The following TXNRD2 variants were observed in gnomAD, a reference collection of about 807,000 sequenced individuals.
TXNRD2 encodes thioredoxin reductase 2, mitochondrial.
TXNRD2 carries 67 observed loss-of-function variants against 70.8 expected under a neutral mutation model. The observed-to-expected ratio is 0.95, with a 90% CI of 0.78 to 1.16. TXNRD2 has a LOEUF of 1.16. TXNRD2 is among the 50% of genes most tolerant of loss of function. TXNRD2 has a pLI of 0.00. For missense variants in TXNRD2, 644 were observed against 719.9 expected, an observed-to-expected ratio of 0.89 and a Z score of 1.21; for synonymous variants, 301 against 295.8, an observed-to-expected ratio of 1.02 and a Z score of -0.18.
At chr22:19,915,706 G>A (rs1940605726) in intron 6 of TXNRD2, 59 bp downstream of exon 6, 1 of 1,483,800 alleles carries the variant, frequency 6.7e-7, no homozygotes, top group Admixed American at 1.7e-5. Flanking sequence ...AGCTGCAGTT[G>A]GTGCCCAAGG....
At chr22:19,939,911 A>G (rs952525640) in intron 1 of TXNRD2, among the ~76,000 whole-genome samples, 1 of 152,168 alleles carries the variant, frequency 6.6e-6, no homozygotes, top group African/African-American at 2.4e-5. Context: ...TAAAACTTCA[A>G]TTTGGGAATG....
chr22:19,934,302 A>G (rs5748480), intron 1 of TXNRD2, among the ~76,000 whole-genome samples: 69,528 of 150,458 alleles, frequency 0.46, 16,340 homozygotes, highest in African/African-American at 0.5. Context: ...GGTGAGTTGA[A>G]CCCAGGAGTT....
At chr22:19,941,645 G>A (rs1413068737) in intron 1 of TXNRD2, 56 bp downstream of exon 1, 2 of 1,407,398 alleles carry the variant, frequency 1.4e-6, no homozygotes, top group Middle Eastern at 2.6e-4. Context: ...ACACCCTCAC[G>A]AGGACACCCC....
At chr22:19,936,558 C>A (rs908996919) in intron 1 of TXNRD2, among the ~76,000 whole-genome samples, 3 of 152,138 alleles carry the variant, frequency 2.0e-5, no homozygotes, top group Admixed American at 6.5e-5. Context: ...CAGGCCCTCC[C>A]CCATCCACCA....
intron 1 of TXNRD2, among the ~76,000 whole-genome samples, chr22:19,932,103 G>T (rs1195099811): frequency 6.7e-6 from 1 of 148,448 alleles, no homozygotes; most frequent in Non-Finnish European, 1.5e-5. Flanking sequence ...GGAGCTTGCA[G>T]TGAGCGGATA....
intron 1 of TXNRD2, among the ~76,000 whole-genome samples, chr22:19,932,017 C>T (rs1185300310): frequency 2.0e-5 from 3 of 151,560 alleles, no homozygotes; most frequent in African/African-American, 4.9e-5. Flanking sequence ...AAAAATTAGC[C>T]GGGCATGGTG....
chr22:19,890,537 C>T (rs920603235), intron 11 of TXNRD2, among the ~76,000 whole-genome samples: 2 of 152,064 alleles, frequency 1.3e-5, no homozygotes, highest in South Asian at 2.1e-4. Context: ...CAAGGCGCAT[C>T]CCTGAGAGCA....
At chr22:19,930,660 C>T (rs568549441) in intron 2 of TXNRD2, among the ~76,000 whole-genome samples, 13 of 152,266 alleles carry the variant, frequency 8.5e-5, no homozygotes, top group African/African-American at 3.1e-4. Context: ...AGCAGGCAGG[C>T]AGGGTGACAG....
chr22:19,924,320 TATAGCCAC>T (rs1157729967), intron 2 of TXNRD2, among the ~76,000 whole-genome samples: 1 of 152,056 alleles, frequency 6.6e-6, no homozygotes, highest in Non-Finnish European at 1.5e-5. Context: ...CTTCATCCTT[TATAGCCAC>T]ATAGCCACAT....
At chr22:19,893,064 C>T (rs764078966) in intron 11 of TXNRD2, among the ~76,000 whole-genome samples, 5 of 152,206 alleles carry the variant, frequency 3.3e-5, no homozygotes, top group Non-Finnish European at 5.9e-5. Flanking sequence ...AAGCCTCAGC[C>T]GCTCCAGGCT....
At chr22:19,932,123 T>G (rs541792086) in intron 1 of TXNRD2, among the ~76,000 whole-genome samples, 26 of 138,926 alleles carry the variant, frequency 1.9e-4, no homozygotes, top group Admixed American at 7.8e-4. Flanking sequence ...ACCACGCCAC[T>G]GCACTCCAGC....
At chr22:19,909,919 T>TCACACACACACACCACTCACACAC (rs1336713396) in intron 8 of TXNRD2, among the ~76,000 whole-genome samples, 1 of 60,070 alleles carries the variant, frequency 1.7e-5, no homozygotes. Flanking sequence ...CCCACACCCT[T>TCACACACACACACCACTCACACAC]CACACACACA....
chr22:19,914,976 A>C lies in TXNRD2; in HGVS notation c.591+238T>G, dbSNP rs553204089. The C allele has an allele frequency of 9.2e-4, 486 of 528,804 alleles. 1 individual carries two copies. Among genetic ancestry groups the C allele is most frequent in the African/African-American group, 8.7e-3 (455 of 52,320 alleles). 32.8% of individuals were successfully genotyped at this position (528,804 alleles called of 1,614,324 possible). A position where few individuals can be genotyped will look rare whatever the true frequency, so the allele number is the denominator to read the frequency against. ...TGGAAGGGGACAGATCCAGCGGGGC[A>C]GGGGGAGAGCAGAACGAGAGCTGTC... On this transcript the variant is annotated intron_variant, in intron 7 of 17. Coordinates refer to ENST00000400521, the MANE Select transcript of TXNRD2 (RefSeq NM_006440.5).
rs371075332 is a variant in TXNRD2 at position 19,895,522 on chromosome 22, G to C, written c.834C>G (p.Gly278=). Residue 278 remains glycine, a synonymous_variant, in exon 11 of 18, where the codon GGC becomes GGG. Transcript: ENST00000400521. ...GCCTCCTGACCCGCGAGGGGGCACAGCCCCTCAGGAACCGGGTGCCATGAG... is the reference window on the plus strand; with the variant it reads ...GCCTCCTGACCCGCGAGGGGGCACACCCCCTCAGGAACCGGGTGCCATGAG... The part of the protein sequence containing the change: ...MASHGTRFLR[G]CAPSRVRRLP... 48 of 1,613,638 alleles carry C rather than the reference G, an allele frequency of 3.0e-5. No individual in the cohort carries two copies. In the African/African-American group the frequency reaches 6.1e-4, roughly 21 times the overall value.
chr22:19,935,612 C>T (rs1039398156), intron 1 of TXNRD2, among the ~76,000 whole-genome samples: 6 of 152,226 alleles, frequency 3.9e-5, no homozygotes, highest in East Asian at 1.9e-4. Flanking sequence ...GCTGGTTTTG[C>T]GGCTCAGGTG....
intron 1 of TXNRD2, among the ~76,000 whole-genome samples, chr22:19,936,735 G>C (rs1941551615): frequency 6.6e-6 from 1 of 152,004 alleles, no homozygotes; most frequent in Non-Finnish European, 1.5e-5. Flanking sequence ...CTCCCCCAAT[G>C]CCCCTTTCTC....
chr22:19,893,402 G>A (rs991257838), intron 11 of TXNRD2, among the ~76,000 whole-genome samples: 1 of 152,242 alleles, frequency 6.6e-6, no homozygotes, highest in Admixed American at 6.5e-5. Context: ...GCCAGGCACC[G>A]AGGTGGGTAG....
chr22:19,916,644 T>C, intron 5 of TXNRD2, among the ~76,000 whole-genome samples: 1 of 94,284 alleles, frequency 1.1e-5, no homozygotes, highest in African/African-American at 3.6e-5. Context: ...GCCCCACCCT[T>C]TTTTTTTTTT....
Position 19,939,136 on chromosome 22 carries a change from T to C in TXNRD2, c.103+2565A>G, listed in dbSNP as rs754474264. On this transcript the variant is annotated intron_variant, in intron 1 of 17. Transcript: ENST00000400521. The stretch of plus-strand genomic sequence containing the variant: ...TGCCCACTAGGAGACTTAAACTTCG[T>C]GTGAATACTGACAATAAAAACCACG... 1.2e-4 allele frequency among the ~76,000 whole-genome samples: 18 copies of C among 152,284 alleles called. 1 individual carries two copies. The highest frequency in any genetic ancestry group is 2.1e-4 in the Non-Finnish European group (14 of 68,028).
Sources: gnomAD v4.1 joint callset for allele counts (sites outside exome capture counted in the v4.1 genomes callset) on GRCh38, gnomAD v4.1.1 for gene constraint, MANE v1.5 for transcripts, NCBI Gene and HGNC (gene_info 2026-07-23, HGNC 2026-07-21) for gene names.